The following ROBO4 variants were observed in gnomAD, a reference collection of about 807,000 sequenced individuals.
ROBO4 encodes roundabout homolog 4.
A neutral mutation model predicts 103.3 loss-of-function variants in ROBO4; 80 were observed. The observed-to-expected ratio is 0.77, with a 90% CI of 0.65 to 0.93. The LOEUF (loss-of-function observed/expected upper bound fraction) is 0.93. ROBO4 is among the 40% of genes least tolerant of loss of function. The probability of loss-of-function intolerance (pLI) is 0.00; values close to 1 mark genes in which losing one functional copy is unlikely to be tolerated. For missense variants in ROBO4, 1,333 were observed against 1,305.3 expected (o/e 1.02, Z -0.33); for synonymous variants, 504 against 529.7 (o/e 0.95, Z 0.67).
At position 124,891,765 on chromosome 11, in the gene ROBO4, A is replaced by AACCACTGGG. The variant is rs1442748354; in HGVS notation, c.1584_1585insCCCAGTGGT (p.Thr528_Trp529insProSerGly). The AACCACTGGG allele has an allele frequency of 3.1e-6, 5 of 1,614,142 alleles. No homozygotes were observed. The East Asian group carries it at 1.1e-4, about 36-fold the overall frequency. On this transcript the variant is annotated inframe_insertion, in exon 11 of 18. Transcript: ENST00000306534. ...TCCCGAGAGCCAGAGGTGGAACGCC[A>AACCACTGGG]AGTGTCTGCCAACCACTGGGAGTCA...
chr11:124,894,617 G>C (rs915493489), intron 7 of ROBO4, among the ~76,000 whole-genome samples: 7 of 152,208 alleles, frequency 4.6e-5, no homozygotes, highest in African/African-American at 1.7e-4. Context: ...ACAACAGCGT[G>C]CTTCCAAGTC....
chr11:124,896,892 C>T (rs747213504), intron 2 of ROBO4, 40 bp downstream of exon 2: 1 of 1,590,476 alleles, frequency 6.3e-7, no homozygotes, highest in Admixed American at 1.8e-5. Context: ...TGTCTCCACC[C>T]AGGTTTGCCC....
chr11:124,896,705 C>T (rs756072510), intron 2 of ROBO4, 35 bp from the exon 3 acceptor site: 5 of 1,604,506 alleles, frequency 3.1e-6, no homozygotes, highest in Middle Eastern at 1.7e-4. Flanking sequence ...CGGAGCAGGG[C>T]CCAGGCCTCT....
chr11:124,895,659 T>C lies in ROBO4; in HGVS notation c.834A>G (p.Gln278=), dbSNP rs534910222. ...WKVSGPAAPA[Q]SYTALFRTQT... Reference sequence around the variant, plus strand: ...GGGTCCTGAACAAGGCCGTGTAAGATTGGGCAGGCGCAGCAGGGCCACTGA... The same window carrying C: ...GGGTCCTGAACAAGGCCGTGTAAGACTGGGCAGGCGCAGCAGGGCCACTGA... Residue 278 remains glutamine, a synonymous_variant, in exon 6 of 18, where the codon CAA becomes CAG. Transcript: ENST00000306534. The C allele has an allele frequency of 7.4e-6, 12 of 1,613,320 alleles. No individual in the cohort carries two copies. Among genetic ancestry groups the C allele is most frequent in the East Asian group, 6.7e-5 (3 of 44,844 alleles).
chr11:124,888,796 G>A (rs1175699645), intron 12 of ROBO4, among the ~76,000 whole-genome samples: 1 of 152,210 alleles, frequency 6.6e-6, no homozygotes, highest in Non-Finnish European at 1.5e-5. Context: ...AATGCAAAAG[G>A]GATCTAAGTT....
Position 124,896,308 on chromosome 11 carries a change from C to G in ROBO4, c.569G>C (p.Gly190Ala), listed in dbSNP as rs756636036. The change falls in exon 4 of 18, where the codon GGG (glycine) becomes GCG (alanine). Residue 190 changes from glycine (G) to alanine (A), a missense_variant. Coordinates refer to ENST00000306534, the MANE Select transcript of ROBO4 (RefSeq NM_019055.6). ...CTCTGCTCTTGCCATCAGCAGGGACCCCCCGGACACCTGTCAGGGCCAGGT... is the reference window on the plus strand; with the variant it reads ...CTCTGCTCTTGCCATCAGCAGGGACGCCCCGGACACCTGTCAGGGCCAGGT... Reference protein sequence around the residue: ...LQPGRHTVSGGSLLMARAEKS... With the variant: ...LQPGRHTVSGASLLMARAEKS... 9 of 1,613,886 alleles carry G rather than the reference C, an allele frequency of 5.6e-6. No homozygotes were observed. The highest frequency in any genetic ancestry group is 1.6e-4 in the Middle Eastern group (1 of 6,084).
chr11:124,885,510 G>A lies in ROBO4; in HGVS notation c.2795-263C>T, dbSNP rs184492235. ...GTCCCTTCACATCCCCATTCCCTGG[G>A]CATTCTTCTTCTGCCATCATGGGCA... is the stretch of plus-strand genomic sequence containing the variant. On this transcript the variant is annotated intron_variant, in intron 16 of 17. Transcript: ENST00000306534. Among the ~76,000 whole-genome samples, 61 of 151,714 alleles carry A rather than the reference G, an allele frequency of 4.0e-4. No individual in the cohort carries two copies. In the East Asian group the frequency reaches 0.012, roughly 29 times the overall value.
At chr11:124,885,523 G>A (rs994608625) in intron 16 of ROBO4, among the ~76,000 whole-genome samples, 1 of 151,114 alleles carries the variant, frequency 6.6e-6, no homozygotes, top group Admixed American at 6.6e-5. Flanking sequence ...TTCTTCTTCT[G>A]CCATCATGGG....
At position 124,886,508 on chromosome 11, in the gene ROBO4, A is replaced by G; in HGVS notation, c.2750T>C (p.Phe917Ser). 6.2e-7 allele frequency: 1 copy of G among 1,614,194 alleles called. No homozygotes were observed. Among genetic ancestry groups the G allele is most frequent in the African/African-American group, 1.3e-5 (1 of 75,054 alleles). ...ARALAVAVDS[F>S]GFGLEPREAD... is the part of the protein sequence containing the mutation. The stretch of plus-strand genomic sequence containing the variant: ...CTCCCTGGGCTCTAGACCGAAACCA[A>G]AGCTATCCACAGCCACTGCCAGGGC... The change falls in exon 16 of 18, where the codon TTT becomes TCT. Residue 917 changes from phenylalanine (F) to serine (S), a missense_variant. By Grantham distance (155) the Phe-to-Ser change is radical (BLOSUM62 -2). Coordinates refer to ENST00000306534, the MANE Select transcript of ROBO4 (RefSeq NM_019055.6).
chr11:124,893,603 A>C, intron 10 of ROBO4, 85 bp downstream of exon 10: 3 of 1,213,614 alleles, frequency 2.5e-6, no homozygotes, highest in Non-Finnish European at 3.7e-6. Flanking sequence ...CCTGGCAGGT[A>C]GACTAGTACT....
chr11:124,886,962 T>C lies in ROBO4; in HGVS notation c.2435+15A>G, dbSNP rs1242393295. 6.3e-7 allele frequency: 1 copy of C among 1,594,396 alleles called. No homozygotes were observed. Among genetic ancestry groups the C allele is most frequent in the African/African-American group, 1.3e-5 (1 of 74,346 alleles). On this transcript the variant is annotated intron_variant, in intron 15 of 17. Transcript: ENST00000306534. ...GCTTTTCTGTAGTTCTTTGGTTATC[T>C]CTCAAGCTACTCACCTGGGAGTCTC...
chr11:124,896,799 C>T (rs967062249), intron 2 of ROBO4, 129 bp from the exon 3 acceptor site: 2 of 1,510,150 alleles, frequency 1.3e-6, no homozygotes, highest in Non-Finnish European at 1.8e-6. Context: ...CCCCAGCTTG[C>T]CCTCCCAAGC....
rs200670182 is a variant in ROBO4 at position 124,886,501 on chromosome 11, G to C, written c.2757C>G (p.Phe919Leu). Residue 919 changes from phenylalanine (F) to leucine (L), a missense_variant, in exon 16 of 18, where the codon TTC becomes TTG. By Grantham distance (22) the Phe-to-Leu change is conservative. Coordinates refer to ENST00000306534, the MANE Select transcript of ROBO4 (RefSeq NM_019055.6). ...ALAVAVDSFG[F>L]GLEPREADCV... ...AGTCTGCCTCCCTGGGCTCTAGACC[G>C]AAACCAAAGCTATCCACAGCCACTG... 29 of 1,614,164 alleles carry C rather than the reference G, an allele frequency of 1.8e-5. No homozygotes were observed. The East Asian group carries it at 4.0e-4, about 22-fold the overall frequency.
intron 12 of ROBO4, among the ~76,000 whole-genome samples, chr11:124,889,029 C>G (rs921041034): frequency 6.6e-6 from 1 of 152,090 alleles, no homozygotes. Flanking sequence ...GGGGCCACTA[C>G]GGGCAGCTTC....
chr11:124,887,296 C>T (rs77854852), intron 14 of ROBO4, 62 bp downstream of exon 14: 41,603 of 1,609,486 alleles, frequency 0.026, 1,031 homozygotes, highest in African/African-American at 0.11. Context: ...TGTCCAATCC[C>T]GGCACACACT....
intron 16 of ROBO4, among the ~76,000 whole-genome samples, chr11:124,885,671 C>G (rs1209870649): frequency 6.6e-6 from 1 of 151,860 alleles, no homozygotes; most frequent in Non-Finnish European, 1.5e-5. Context: ...AAGGGACACC[C>G]AAGGAGCCAA....
At chr11:124,894,465 G>T in intron 7 of ROBO4, 96 bp from the exon 8 acceptor site, 1 of 1,278,090 alleles carries the variant, frequency 7.8e-7, no homozygotes, top group Non-Finnish European at 1.1e-6. Flanking sequence ...TGGTTATTCT[G>T]CCCTGCCATC....
In ROBO4 at chr11:124,887,808, G is replaced by T; in HGVS notation, c.1981C>A (p.Arg661=). Residue 661 remains arginine, a synonymous_variant, in exon 13 of 18, where the codon CGG becomes AGG. Transcript: ENST00000306534. ...LQHANSSPLL[R]GSHSLELRAC... ...CGGAGCTCCAAGGAGTGGCTGCCCC[G>T]GAGCAGTGGGGAACTGTTGGCATGC... 1 of 1,613,934 alleles carries T rather than the reference G, an allele frequency of 6.2e-7. No individual in the cohort carries two copies. Among genetic ancestry groups the T allele is most frequent in the East Asian group, 2.2e-5 (1 of 44,890 alleles).
intron 6 of ROBO4, 111 bp downstream of exon 6, chr11:124,895,346 G>T: frequency 8.2e-7 from 1 of 1,221,538 alleles, no homozygotes. Context: ...GGGAGTCCCA[G>T]GGTAGGACCC....
Sources: gnomAD v4.1 joint callset for allele counts (sites outside exome capture counted in the v4.1 genomes callset) on GRCh38, gnomAD v4.1.1 for gene constraint, MANE v1.5 for transcripts, NCBI Gene and HGNC (gene_info 2026-07-23, HGNC 2026-07-21) for gene names.